The following CDHR3 variants were observed in gnomAD, a reference collection of about 807,000 sequenced individuals.
The protein encoded by CDHR3 is cadherin-related family member 3.
In CDHR3, 79 loss-of-function variants were observed where a neutral mutation model predicts 86.6. The observed-to-expected ratio is 0.91, with a 90% confidence interval of 0.76 to 1.10. CDHR3 has a LOEUF of 1.10. CDHR3 is among the 50% of genes least tolerant of loss of function. CDHR3 has a pLI of 0.00. For missense variants in CDHR3, 1,081 were observed against 1,077.6 expected (o/e 1.00, Z -0.04); for synonymous variants, 421 against 402.4 (o/e 1.05, Z -0.55).
At position 106,030,063 on chromosome 7, in the gene CDHR3, A is replaced by G. The variant is rs1029492012; in HGVS notation, c.2305-729A>G. Among the ~76,000 whole-genome samples the G allele has an allele frequency of 1.3e-5, 2 of 152,126 alleles. No individual in the cohort carries two copies. The highest frequency in any genetic ancestry group is 4.8e-5 in the African/African-American group (2 of 41,412). On this transcript the variant is annotated intron_variant, in intron 17 of 18. Transcript: ENST00000317716. The surrounding 1 kb of genome is among the most constrained non-coding windows in gnomAD (Gnocchi z 4.8). ...ATCCTTTAAGTGATAAAAACTGGAG[A>G]TTGGAAAGCTTGCTAAACTCCAAAC... is the stretch of plus-strand genomic sequence containing the variant.
At chr7:106,018,803 G>A (rs73195665) in intron 12 of CDHR3, among the ~76,000 whole-genome samples, 5,878 of 152,156 alleles carry the variant, frequency 0.039, 158 homozygotes, top group South Asian at 0.13. Context: ...ACCAGATGGG[G>A]TAGATCTTAA....
chr7:106,025,416 G>A (rs775971631), intron 15 of CDHR3, among the ~76,000 whole-genome samples: 1 of 152,156 alleles, frequency 6.6e-6, no homozygotes, highest in African/African-American at 2.4e-5. Flanking sequence ...ATGAACAAAT[G>A]TAAACAAGGC....
intron 14 of CDHR3, 94 bp from the exon 15 acceptor site, chr7:106,024,287 A>G: frequency 9.1e-7 from 1 of 1,094,930 alleles, no homozygotes; most frequent in South Asian, 1.5e-5. Context: ...AATAACAATA[A>G]CAAAGAGTGG....
Position 105,975,024 on chromosome 7 carries a change from G to A in CDHR3, c.227G>A (p.Trp76Ter). The A allele has an allele frequency of 6.2e-7, 1 of 1,613,884 alleles. No homozygotes were observed. The change falls in exon 2 of 19, where the codon TGG becomes TAG. Residue 76 changes from tryptophan (W) to a stop codon, truncating the protein, a stop_gained. Coordinates refer to ENST00000317716, the MANE Select transcript of CDHR3 (RefSeq NM_152750.5). LOFTEE classifies it high-confidence loss of function. ...CTCACTGAAGCTTTTAGGGTGAATT[G>A]GCTGTCAGGCACCTACTTTGAGGTA... ...NPLTEAFRVN[W>*]LSGTYFEVVT...
At chr7:105,965,850 T>C (rs568013384) in intron 1 of CDHR3, among the ~76,000 whole-genome samples, 238 of 152,340 alleles carry the variant, frequency 1.6e-3, no homozygotes, top group African/African-American at 5.6e-3. Context: ...ATAGAGGATA[T>C]CCAATACATA....
chr7:106,013,278 A>G (rs369656759), intron 9 of CDHR3, among the ~76,000 whole-genome samples: 40 of 152,316 alleles, frequency 2.6e-4, no homozygotes, highest in African/African-American at 9.4e-4. Context: ...CATAGCATGC[A>G]GTTTGTGTGC....
rs1407692110 is a variant in CDHR3 at position 105,980,607 on chromosome 7, ATTTTTTTTTTTTTTAAT to A, written c.250-345_250-329del. ...AAGGTTTTTTTTTTTTTTTTTTTTA[ATTTTTTTTTTTTTTAAT>A]TTTTTTTTTTTTTTATTATACTCTA... On this transcript the variant is annotated intron_variant, in intron 2 of 18. Transcript: ENST00000317716. Among the ~76,000 whole-genome samples, 239 of 98,424 alleles carry A rather than the reference ATTTTTTTTTTTTTTAAT, an allele frequency of 2.4e-3. 11 individuals are homozygous for A. The highest frequency in any genetic ancestry group is 6.3e-3 in the African/African-American group (159 of 25,378). 64.6% of individuals were successfully genotyped at this position (98,424 alleles called of 152,430 possible).
At chr7:105,993,177 C>A (rs1831625853) in intron 4 of CDHR3, among the ~76,000 whole-genome samples, 1 of 152,220 alleles carries the variant, frequency 6.6e-6, no homozygotes, top group Admixed American at 6.5e-5. Context: ...CTCATCCTAG[C>A]AGGAAATAAT....
intron 8 of CDHR3, among the ~76,000 whole-genome samples, chr7:106,010,466 A>G (rs1486412059): frequency 2.0e-5 from 3 of 152,212 alleles, no homozygotes; most frequent in Non-Finnish European, 2.9e-5. Flanking sequence ...TGTGCAATCA[A>G]GGCAGGAATG....
chr7:106,009,715 T>G (rs1834495012), intron 8 of CDHR3, among the ~76,000 whole-genome samples: 2 of 152,186 alleles, frequency 1.3e-5, no homozygotes, highest in Non-Finnish European at 2.9e-5. Context: ...CCGTGGCCCC[T>G]GAGGCTTTCC....
rs766709153 is a variant in CDHR3, at chr7:105,996,237, G to A, written c.609-13G>A. On this transcript the variant is annotated splice_polypyrimidine_tract_variant and intron_variant, in intron 5 of 18. Coordinates refer to ENST00000317716, the MANE Select transcript of CDHR3 (RefSeq NM_152750.5). ...AAAGCTTGATTCTCTCACGTGGAATGTTTCCCTGGCAGTTTCCATCTCATC... is the reference window on the plus strand; with the variant it reads ...AAAGCTTGATTCTCTCACGTGGAATATTTCCCTGGCAGTTTCCATCTCATC... 6.8e-7 allele frequency: 1 copy of A among 1,469,856 alleles called. No homozygotes were observed. The highest frequency in any genetic ancestry group is 9.5e-7 in the Non-Finnish European group (1 of 1,052,608). The allele number at this position is 1,469,856 out of a possible 1,614,324, so 91.1% of individuals were successfully genotyped here.
intron 3 of CDHR3, among the ~76,000 whole-genome samples, chr7:105,983,322 C>G (rs1830047588): frequency 6.6e-6 from 1 of 152,168 alleles, no homozygotes; most frequent in Non-Finnish European, 1.5e-5. Context: ...AGATGTAAGG[C>G]ATCTGGATTT....
chr7:106,003,822 C>T (rs1833544612), intron 7 of CDHR3, among the ~76,000 whole-genome samples: 1 of 151,918 alleles, frequency 6.6e-6, no homozygotes, highest in Admixed American at 6.6e-5. Context: ...ATCCTGATGC[C>T]CTGTCAGCTG....
chr7:105,996,360 C>T lies in CDHR3; in HGVS notation c.713+6C>T, dbSNP rs1431189230. 1.3e-6 allele frequency: 2 copies of T among 1,568,010 alleles called. No homozygotes were observed. The highest frequency in any genetic ancestry group is 1.7e-6 in the Non-Finnish European group (2 of 1,143,918). ...GAAGTCCCTCGCTTTACCAGGTAGG[C>T]CTGAGGGCATGCAGGACTCCCTGGG... On this transcript the variant is annotated splice_donor_region_variant and intron_variant, in intron 6 of 18. Coordinates refer to ENST00000317716, the MANE Select transcript of CDHR3 (RefSeq NM_152750.5).
At chr7:105,997,573 G>A (rs1227713230) in intron 6 of CDHR3, among the ~76,000 whole-genome samples, 1 of 151,452 alleles carries the variant, frequency 6.6e-6, no homozygotes, top group African/African-American at 2.4e-5. Context: ...TCAGGTATGG[G>A]CCCACACAGC....
intron 4 of CDHR3, among the ~76,000 whole-genome samples, chr7:105,989,003 C>T (rs560795573): frequency 2.6e-5 from 4 of 152,258 alleles, no homozygotes; most frequent in East Asian, 1.9e-4. Context: ...CATAGTCACA[C>T]GTACGTGAGG....
intron 3 of CDHR3, among the ~76,000 whole-genome samples, chr7:105,983,003 AT>A (rs1204097687): frequency 1.4e-5 from 2 of 141,676 alleles, no homozygotes; most frequent in East Asian, 4.3e-4. Context: ...AAAAAAAAAA[AT>A]CTTGACAAGT....
Position 105,996,331 on chromosome 7 carries a change from C to A in CDHR3, c.690C>A (p.Asn230Lys), listed in dbSNP as rs368294260. Residue 230 changes from asparagine (N) to lysine (K), a missense_variant, in exon 6 of 19, where the codon AAC becomes AAA. By Grantham distance (94) the Asn-to-Lys change is moderately conservative. Transcript: ENST00000317716. ...TCCAGGTGAACATCGTGAACCTCAA[C>A]GACGAAGTCCCTCGCTTTACCAGGT... Reference protein sequence around the residue: ...TELQVNIVNLNDEVPRFTSPT... With the variant: ...TELQVNIVNLKDEVPRFTSPT... The A allele has an allele frequency of 1.3e-6, 2 of 1,594,336 alleles. No individual in the cohort carries two copies. The highest frequency in any genetic ancestry group is 1.7e-6 in the Non-Finnish European group (2 of 1,164,682).
At chr7:106,015,251 T>A in intron 10 of CDHR3, 38 bp downstream of exon 10, 1 of 1,533,296 alleles carries the variant, frequency 6.5e-7, no homozygotes, top group Non-Finnish European at 8.9e-7. Flanking sequence ...ATTGTCTTTC[T>A]TGAGTATCAA....
Sources: gnomAD v4.1 joint callset for allele counts (sites outside exome capture counted in the v4.1 genomes callset) on GRCh38, gnomAD v4.1.1 for gene constraint, Gnocchi (gnomAD v3.1) non-coding constraint, MANE v1.5 for transcripts, NCBI Gene and HGNC (gene_info 2026-07-23, HGNC 2026-07-21) for gene names.